ARHGAP25: variants seen among roughly 807,000 people sequenced by gnomAD.
The protein encoded by ARHGAP25 is Rho GTPase activating protein 25.
Under a neutral mutation model 71.0 loss-of-function variants are expected in ARHGAP25, and 34 were observed. The observed-to-expected ratio is 0.48, with a 90% confidence interval of 0.36 to 0.64. The LOEUF is 0.64. Ranked by LOEUF, ARHGAP25 falls within the 30% of genes least tolerant of loss-of-function variation. ARHGAP25 has a pLI of 0.00. For missense variants in ARHGAP25, 706 were observed against 805.1 expected (o/e 0.88, Z 1.49); for synonymous variants, 282 against 296.5 (o/e 0.95, Z 0.50).
At chr2:68,825,540 C>T (rs568943346) in intron 10 of ARHGAP25, among the ~76,000 whole-genome samples, 8 of 151,842 alleles carry the variant, frequency 5.3e-5, no homozygotes, top group South Asian at 2.1e-4. Flanking sequence ...CCAAGGCAGG[C>T]GGATCACGAG....
At position 68,723,081 on chromosome 2, in the gene ARHGAP25, G is replaced by A. The variant is rs80164076; in HGVS notation, c.-18+12383G>A. 8.1e-3 allele frequency among the ~76,000 whole-genome samples: 1,237 copies of A among 152,238 alleles called. 8 individuals are homozygous for A. Among genetic ancestry groups the A allele is most frequent in the South Asian group, 0.034 (165 of 4,816 alleles). ...ATTCCAGTGCTCATTTAGATGCACC[G>A]GTAATGGTTCATAGGAGTGTAGAAT... On this transcript the variant is annotated intron_variant and NMD_transcript_variant, in intron 2 of 7. Transcript: ENST00000463483.
chr2:68,714,881 G>T (rs12476896), intron 2 of ARHGAP25, among the ~76,000 whole-genome samples: 35,644 of 151,938 alleles, frequency 0.23, 4,403 homozygotes, highest in East Asian at 0.37. Flanking sequence ...AAATACGGAA[G>T]GAAAGAAAAA....
chr2:68,820,862 T>C (rs1393691798), intron 9 of ARHGAP25, among the ~76,000 whole-genome samples: 1 of 151,966 alleles, frequency 6.6e-6, no homozygotes, highest in Non-Finnish European at 1.5e-5. Flanking sequence ...TAATTCTCTC[T>C]CTCTCTACAG....
intron 1 of ARHGAP25, among the ~76,000 whole-genome samples, chr2:68,747,830 C>T (rs1675927787): frequency 6.6e-6 from 1 of 152,200 alleles, no homozygotes. Context: ...CCAGAAAAGA[C>T]TTTTGGATTC....
Position 68,813,292 on chromosome 2 carries a change from C to T in ARHGAP25, c.680C>T (p.Thr227Ile). The change falls in exon 6 of 11, where the codon ACA (threonine) becomes ATA (isoleucine). Residue 227 changes from threonine (T) to isoleucine (I), a missense_variant. Physicochemically the swap from Thr to Ile is moderately conservative, Grantham distance 89 (BLOSUM62 -1). Transcript: ENST00000409202. The part of the protein sequence containing the change: ...AGERPSFDRD[T>I]DVHTVASLLK... ...CGTTGCTTATTTTCTTCCAGAGACA[C>T]AGATGTGCACACTGTGGCTTCCCTG... 6.2e-7 allele frequency: 1 copy of T among 1,607,998 alleles called. No individual in the cohort carries two copies. Among genetic ancestry groups the T allele is most frequent in the Middle Eastern group, 1.7e-4 (1 of 6,028 alleles).
At chr2:68,800,027 C>A (rs1679855635) in intron 4 of ARHGAP25, among the ~76,000 whole-genome samples, 1 of 152,126 alleles carries the variant, frequency 6.6e-6, no homozygotes, top group African/African-American at 2.4e-5. Flanking sequence ...AGGAAAACCC[C>A]CAAGCTCCGA....
intron 5 of ARHGAP25, among the ~76,000 whole-genome samples, chr2:68,810,257 G>A (rs996715246): frequency 6.6e-6 from 1 of 152,062 alleles, no homozygotes; most frequent in Non-Finnish European, 1.5e-5. Flanking sequence ...AGTACAATGG[G>A]GTGCTCACAT....
At chr2:68,776,525 A>G (rs1466546228) in intron 2 of ARHGAP25, among the ~76,000 whole-genome samples, 3 of 152,212 alleles carry the variant, frequency 2.0e-5, no homozygotes, top group Non-Finnish European at 4.4e-5. Context: ...AAAGTAGAGC[A>G]AACAGGATTT....
chr2:68,783,086 G>A (rs1678465025), intron 3 of ARHGAP25, among the ~76,000 whole-genome samples: 1 of 152,206 alleles, frequency 6.6e-6, no homozygotes, highest in Non-Finnish European at 1.5e-5. Context: ...CTCACACAAG[G>A]TGACTGTGTG....
chr2:68,719,541 T>A (rs905959035), intron 2 of ARHGAP25, among the ~76,000 whole-genome samples: 17 of 149,392 alleles, frequency 1.1e-4, no homozygotes, highest in Non-Finnish European at 1.8e-4. Flanking sequence ...AAAAAATAAC[T>A]TTTTTTTTTC....
chr2:68,807,845 C>T (rs1372255723), intron 5 of ARHGAP25, among the ~76,000 whole-genome samples: 1 of 152,148 alleles, frequency 6.6e-6, no homozygotes, highest in African/African-American at 2.4e-5. Flanking sequence ...CTGAGCTGTA[C>T]AAACACTCAG....
chr2:68,716,472 T>G (rs1674610912), intron 2 of ARHGAP25, among the ~76,000 whole-genome samples: 1 of 152,208 alleles, frequency 6.6e-6, no homozygotes, highest in Admixed American at 6.5e-5. Context: ...ATGGGGACAC[T>G]GTGGTGAGTC....
chr2:68,750,045 C>T (rs182356188), intron 1 of ARHGAP25, among the ~76,000 whole-genome samples: 1 of 152,258 alleles, frequency 6.6e-6, no homozygotes, highest in African/African-American at 2.4e-5. Flanking sequence ...CTTGCTCTGT[C>T]GCCCAGTCTG....
chr2:68,794,243 A>G (rs1389182725), intron 4 of ARHGAP25, among the ~76,000 whole-genome samples: 1 of 152,092 alleles, frequency 6.6e-6, no homozygotes, highest in African/African-American at 2.4e-5. Flanking sequence ...CTCTTTTCCA[A>G]TTTGGATACC....
At chr2:68,818,986 T>G (rs1050322328) in intron 8 of ARHGAP25, 137 bp from the exon 9 acceptor site, 35 of 697,460 alleles carry the variant, frequency 5.0e-5, no homozygotes, top group Admixed American at 8.1e-5. Flanking sequence ...AAAAGGGTCT[T>G]TTGAGAAGCA....
chr2:68,780,481 A>T (rs1214509016), intron 2 of ARHGAP25, among the ~76,000 whole-genome samples: 1 of 152,230 alleles, frequency 6.6e-6, no homozygotes, highest in African/African-American at 2.4e-5. Flanking sequence ...GTGATTTATT[A>T]AAGATGGTGA....
At chr2:68,745,428 G>T (rs1219305132) in intron 1 of ARHGAP25, among the ~76,000 whole-genome samples, 1 of 152,000 alleles carries the variant, frequency 6.6e-6, no homozygotes, top group Non-Finnish European at 1.5e-5. Flanking sequence ...TTCACTATCA[G>T]TCACCCCATT....
intron 1 of ARHGAP25, among the ~76,000 whole-genome samples, chr2:68,746,749 G>T (rs369595739): frequency 2.6e-5 from 4 of 151,658 alleles, no homozygotes; most frequent in Non-Finnish European, 5.9e-5. Context: ...GCTCACGCTT[G>T]TAATCCCAGT....
At chr2:68,799,791 T>A (rs1249611905) in intron 4 of ARHGAP25, among the ~76,000 whole-genome samples, 2 of 152,188 alleles carry the variant, frequency 1.3e-5, no homozygotes, top group African/African-American at 4.8e-5. Context: ...ACAGATCCCA[T>A]GGTTTCCTTT....
Sources: allele counts gnomAD v4.1 joint callset (sites outside exome capture counted in the v4.1 genomes callset), GRCh38; gene constraint gnomAD v4.1.1; transcripts MANE v1.5; gene names NCBI Gene and HGNC (gene_info 2026-07-23, HGNC 2026-07-21).